Variants in HERC1 observed in about 807,000 individuals in gnomAD.
The protein encoded by HERC1 is HECT and RLD domain containing E3 ubiquitin protein ligase family member 1.
HERC1 carries 160 observed loss-of-function variants against 554.3 expected under a neutral mutation model. The observed-to-expected ratio is 0.29, with a 90% CI of 0.25 to 0.33. The LOEUF is 0.33. Ranked by LOEUF, HERC1 falls within the 10% of genes least tolerant of loss-of-function variation. HERC1 has a pLI of 1.00. For synonymous variants in HERC1, 2,175 were observed against 2,131.7 expected, an observed-to-expected ratio of 1.02 and a Z score of -0.56; for missense variants, 4,919 against 5,918.5, an observed-to-expected ratio of 0.83 and a Z score of 5.54.
At chr15:63,731,666 G>C (rs1381325550) in intron 14 of HERC1, among the ~76,000 whole-genome samples, 2 of 152,192 alleles carry the variant, frequency 1.3e-5, no homozygotes, top group Non-Finnish European at 2.9e-5. Context: ...GGGCGGGATA[G>C]AGCACTAAGA....
At chr15:63,817,652 T>C (rs1417939778) in intron 1 of HERC1, among the ~76,000 whole-genome samples, 1 of 152,038 alleles carries the variant, frequency 6.6e-6, no homozygotes, top group Non-Finnish European at 1.5e-5. Context: ...GAGTTGGAGG[T>C]TGCAGTCAGC....
In HERC1 at chr15:63,756,719, G is replaced by A; in HGVS notation, c.1251C>T (p.Val417=). 1.2e-6 allele frequency: 2 copies of A among 1,610,552 alleles called. No individual in the cohort carries two copies. Among genetic ancestry groups the A allele is most frequent in the Non-Finnish European group, 1.7e-6 (2 of 1,178,432 alleles). The change falls in exon 5 of 78, where the codon GTC becomes GTT. Residue 417 remains valine, a synonymous_variant. Transcript: ENST00000443617. The surrounding 1 kb of genome is among the most constrained non-coding windows in gnomAD (Gnocchi z 5.0). ...TIEAGQYCTF[V]ISTDGSVRAC... ...CTCTAACAGAGCCATCCGTAGAAAT[G>A]ACAAAAGTGCAGTACTGTCCAGCTT...
At chr15:63,641,743 C>G in intron 59 of HERC1, 100 bp from the exon 60 acceptor site, 1 of 1,002,634 alleles carries the variant, frequency 1.0e-6, no homozygotes, top group Non-Finnish European at 1.4e-6. Flanking sequence ...ACTGGGACAT[C>G]TTTGCTTTTT....
At position 63,624,189 on chromosome 15, in the gene HERC1, G is replaced by A; in HGVS notation, c.13414C>T (p.Pro4472Ser). ...KTMVQGKNYG[P>S]QITVKRISTR... ...GATATCCTCTTTACAGTTATCTGAGGTCCATAGTTTTTGCCTTGAACCATG... is the reference window on the plus strand; with the variant it reads ...GATATCCTCTTTACAGTTATCTGAGATCCATAGTTTTTGCCTTGAACCATG... Residue 4472 changes from proline (P) to serine (S), a missense_variant, in exon 72 of 78, where the codon CCT (proline) becomes TCT (serine). This residue lies in a region of HERC1 where 410 missense variants were observed against 467.0 expected (regional missense o/e 0.88). Coordinates refer to ENST00000443617, the MANE Select transcript of HERC1 (RefSeq NM_003922.4). The A allele has an allele frequency of 6.2e-7, 1 of 1,613,728 alleles. No individual in the cohort carries two copies. Among genetic ancestry groups the A allele is most frequent in the Non-Finnish European group, 8.5e-7 (1 of 1,179,706 alleles).
At chr15:63,760,435 CAAAA>C (rs34164820) in intron 3 of HERC1, among the ~76,000 whole-genome samples, 1 of 91,424 alleles carries the variant, frequency 1.1e-5, no homozygotes, top group Non-Finnish European at 2.0e-5. Flanking sequence ...AGACACCATC[CAAAA>C]AAAAAAAAAA....
chr15:63,640,035 C>CT, intron 61 of HERC1, 117 bp downstream of exon 61: 1 of 988,570 alleles, frequency 1.0e-6, no homozygotes, highest in Non-Finnish European at 1.5e-6. Context: ...TTCCATTTCT[C>CT]TTAAGGGTAT....
At chr15:63,647,137 C>G (rs1333683254) in intron 55 of HERC1, among the ~76,000 whole-genome samples, 1 of 151,828 alleles carries the variant, frequency 6.6e-6, no homozygotes, top group African/African-American at 2.4e-5. Context: ...GCCTGTAATC[C>G]CAGCTACTCA....
chr15:63,698,583 A>G (rs1275844715), intron 26 of HERC1, 145 bp downstream of exon 26: 4 of 751,828 alleles, frequency 5.3e-6, no homozygotes. Context: ...GTTCTAGTGA[A>G]GAATGTTATG....
At chr15:63,757,671 T>G (rs1442864451) in intron 4 of HERC1, among the ~76,000 whole-genome samples, 3 of 152,190 alleles carry the variant, frequency 2.0e-5, no homozygotes, top group Non-Finnish European at 1.5e-5. Flanking sequence ...ATTTGAAAGT[T>G]GGAAATGCTG....
Position 63,609,049 on chromosome 15 carries a change from G to A in HERC1, c.*32C>T. 6.3e-7 allele frequency: 1 copy of A among 1,588,658 alleles called. No individual in the cohort carries two copies. The highest frequency in any genetic ancestry group is 8.6e-7 in the Non-Finnish European group (1 of 1,162,094). On this transcript the variant is annotated 3_prime_UTR_variant, in exon 78 of 78. Coordinates refer to ENST00000443617, the MANE Select transcript of HERC1 (RefSeq NM_003922.4). Reference sequence around the variant, plus strand: ...CAAATCAGAAGTGAGCATTATTGAGGGAGAGAAGGGAGGGTGAGAGCACCC... The same window carrying A: ...CAAATCAGAAGTGAGCATTATTGAGAGAGAGAAGGGAGGGTGAGAGCACCC...
intron 51 of HERC1, among the ~76,000 whole-genome samples, chr15:63,653,054 T>C (rs182130706): frequency 6.6e-6 from 1 of 152,344 alleles, no homozygotes; most frequent in East Asian, 1.9e-4. Flanking sequence ...CTGAGACCTA[T>C]TATAATCTTT....
chr15:63,661,843 C>G lies in HERC1; in HGVS notation c.9080G>C (p.Gly3027Ala). Reference protein sequence around the residue: ...YVDGWFGGECGSGNPYYLLCG... With the variant: ...YVDGWFGGECASGNPYYLLCG... ...TAACAGGTAGTACGGATTTCCACTC[C>G]CACATTCACCGCCAAACCAGCCATC... The change falls in exon 45 of 78, where the codon GGG becomes GCG. Residue 3027 changes from glycine to alanine, a missense_variant. Gly to Ala is a moderately conservative substitution (Grantham distance 60). Transcript: ENST00000443617. The G allele has an allele frequency of 6.2e-7, 1 of 1,613,990 alleles. No homozygotes were observed. The highest frequency in any genetic ancestry group is 8.5e-7 in the Non-Finnish European group (1 of 1,179,872).
At chr15:63,709,378 A>G (rs2073179455) in intron 24 of HERC1, among the ~76,000 whole-genome samples, 1 of 152,148 alleles carries the variant, frequency 6.6e-6, no homozygotes, top group African/African-American at 2.4e-5. Context: ...GTGAACAACC[A>G]GAAAACCTAA....
chr15:63,625,774 C>G (rs915010520), intron 71 of HERC1, among the ~76,000 whole-genome samples: 1 of 151,782 alleles, frequency 6.6e-6, no homozygotes, highest in Non-Finnish European at 1.5e-5. Flanking sequence ...AACCAAAACA[C>G]AGAAGGAAGA....
At position 63,653,136 on chromosome 15, in the gene HERC1, T is replaced by C. The variant is rs558970782; in HGVS notation, c.10291-595A>G. ...AAAATAAATAACACAGACTAAGAAGTAATTTTAAAAATTGTTTAAGTAGGC... is the reference window on the plus strand; with the variant it reads ...AAAATAAATAACACAGACTAAGAAGCAATTTTAAAAATTGTTTAAGTAGGC... On this transcript the variant is annotated intron_variant, in intron 51 of 77. Coordinates refer to ENST00000443617, the MANE Select transcript of HERC1 (RefSeq NM_003922.4). 2.7e-3 allele frequency among the ~76,000 whole-genome samples: 408 copies of C among 152,328 alleles called. 1 individual carries two copies. The highest frequency in any genetic ancestry group is 9.2e-3 in the African/African-American group (383 of 41,574).
At chr15:63,730,026 CAAAAAAAA>C (rs57121923) in intron 14 of HERC1, among the ~76,000 whole-genome samples, 1 of 71,482 alleles carries the variant, frequency 1.4e-5, no homozygotes, top group African/African-American at 5.4e-5. Context: ...AACTATGTCT[CAAAAAAAA>C]AAAAAAAAAA....
intron 51 of HERC1, among the ~76,000 whole-genome samples, chr15:63,652,817 A>G (rs527359079): frequency 2.0e-5 from 3 of 152,066 alleles, no homozygotes; most frequent in South Asian, 2.1e-4. Context: ...CAACTGGATA[A>G]TTTTTGTATT....
At position 63,632,815 on chromosome 15, in the gene HERC1, C is replaced by T; in HGVS notation, c.12694-4G>A. The T allele has an allele frequency of 1.3e-6, 2 of 1,547,672 alleles. No individual in the cohort carries two copies. The highest frequency in any genetic ancestry group is 1.2e-5 in the South Asian group (1 of 83,904). ...TTCCACAAAGGACGTCAATTTTCTA[C>T]AAAATAAAAGTGTAAGGCACACAAC... On this transcript the variant is annotated splice_polypyrimidine_tract_variant and splice_region_variant and intron_variant, in intron 67 of 77. Coordinates refer to ENST00000443617, the MANE Select transcript of HERC1 (RefSeq NM_003922.4).
intron 12 of HERC1, among the ~76,000 whole-genome samples, chr15:63,743,263 C>CTTTTTT (rs71131177): frequency 3.0e-4 from 33 of 109,144 alleles, no homozygotes; most frequent in East Asian, 9.8e-4. Flanking sequence ...TTTTCTTTTT[C>CTTTTTT]TTTTTTTTTT....
Sources: allele counts gnomAD v4.1 joint callset (sites outside exome capture counted in the v4.1 genomes callset), GRCh38; gene constraint gnomAD v4.1.1; regional missense constraint gnomAD v4.1.1; non-coding constraint Gnocchi (gnomAD v3.1); transcripts MANE v1.5; gene names NCBI Gene and HGNC (gene_info 2026-07-23, HGNC 2026-07-21).